Variants in ERCC6 observed in about 807,000 individuals in gnomAD.
The protein encoded by ERCC6 is DNA excision repair protein ERCC-6.
Under a neutral mutation model 158.7 loss-of-function variants are expected in ERCC6, and 116 were observed. The observed-to-expected ratio is 0.73, with a 90% CI of 0.63 to 0.85. The LOEUF is 0.85. ERCC6 is among the 40% of genes least tolerant of loss of function. The pLI is 0.00. For synonymous variants in ERCC6, 678 were observed against 659.3 expected (o/e 1.03, Z -0.43); for missense variants, 1,698 against 1,799.4 (o/e 0.94, Z 1.02).
At chr10:49,515,769 T>C (rs1223651124) in intron 5 of ERCC6, 1 of 1,614,218 alleles carries the variant, frequency 6.2e-7, no homozygotes, top group Admixed American at 1.7e-5. Flanking sequence ...CATGTTTGGC[T>C]GCTGAACTTG....
intron 4 of ERCC6, among the ~76,000 whole-genome samples, chr10:49,526,631 A>G (rs1183951025): frequency 6.6e-6 from 1 of 152,192 alleles, no homozygotes; most frequent in Admixed American, 6.5e-5. Flanking sequence ...ATTAAGCCTT[A>G]GGTCTTTACA....
chr10:49,486,853 C>T, intron 8 of ERCC6, among the ~76,000 whole-genome samples: 1 of 152,194 alleles, frequency 6.6e-6, no homozygotes, highest in Non-Finnish European at 1.5e-5. Context: ...GGATTCCAAT[C>T]ATTGTTACAA....
chr10:49,516,465 A>T (rs770443998), intron 5 of ERCC6: 3 of 1,614,226 alleles, frequency 1.9e-6, no homozygotes, highest in Non-Finnish European at 2.5e-6. Flanking sequence ...GTCACGTCTC[A>T]TGGCAGCACT....
intron 5 of ERCC6, chr10:49,515,242 G>A (rs368503359): frequency 7.5e-5 from 109 of 1,444,542 alleles, no homozygotes; most frequent in East Asian, 2.4e-4. Flanking sequence ...GTTATGTGAC[G>A]TTCCAAAATT....
chr10:49,459,087 G>C lies in ERCC6; in HGVS notation c.4210C>G (p.Arg1404Gly). 1 of 1,614,166 alleles carries C rather than the reference G, an allele frequency of 6.2e-7. No homozygotes were observed. The highest frequency in any genetic ancestry group is 1.1e-5 in the South Asian group (1 of 91,082). ...AGGTGCCCGCTTTCACTTTCTAAAC[G>C]CTCTGGCAGAATCAGGTGGTTTCTA... ...RARNHLILPE[R>G]LESESGHLQE... Residue 1404 changes from arginine (R) to glycine (G), a missense_variant, in exon 21 of 21, where the codon CGT becomes GGT. By Grantham distance (125) the Arg-to-Gly change is moderately radical. Coordinates refer to ENST00000355832, the MANE Select transcript of ERCC6 (RefSeq NM_000124.4).
intron 11 of ERCC6, among the ~76,000 whole-genome samples, chr10:49,477,155 A>G (rs1173957001): frequency 6.6e-6 from 1 of 152,096 alleles, no homozygotes; most frequent in Non-Finnish European, 1.5e-5. Context: ...CTCTGTCTCA[A>G]CTTCTACTTA....
intron 7 of ERCC6, among the ~76,000 whole-genome samples, chr10:49,497,687 ACT>A (rs1164753322): frequency 6.6e-6 from 1 of 152,022 alleles, no homozygotes; most frequent in Non-Finnish European, 1.5e-5. Context: ...CCCTTTCCTA[ACT>A]CTTAATACCA....
intron 5 of ERCC6, among the ~76,000 whole-genome samples, chr10:49,506,680 A>T (rs4253096): frequency 0.024 from 3,680 of 152,250 alleles, 158 homozygotes; most frequent in African/African-American, 0.083. Context: ...ATATTTCAGA[A>T]GGAAATATAT....
the ERCC6 span, among the ~76,000 whole-genome samples, chr10:49,437,711 G>A: frequency 1.0e-3 from 154 of 152,282 alleles, 1 homozygote; most frequent in Admixed American, 3.5e-3. Flanking sequence ...CCTGAGGTCT[G>A]TTAGAAAGTT....
intron 8 of ERCC6, among the ~76,000 whole-genome samples, chr10:49,492,714 G>C (rs560943574): frequency 6.6e-6 from 1 of 152,298 alleles, no homozygotes; most frequent in East Asian, 1.9e-4. Flanking sequence ...ACTAACAAAT[G>C]CATTTACCAA....
intron 10 of ERCC6, among the ~76,000 whole-genome samples, chr10:49,481,601 G>A (rs562144953): frequency 6.6e-6 from 1 of 152,106 alleles, no homozygotes; most frequent in Non-Finnish European, 1.5e-5. Context: ...CAGAAACCGT[G>A]CCTCCCACCC....
intron 8 of ERCC6, among the ~76,000 whole-genome samples, chr10:49,488,672 C>A (rs1237017395): frequency 6.7e-6 from 1 of 148,384 alleles, no homozygotes; most frequent in Non-Finnish European, 1.5e-5. Context: ...GTTTTTTACT[C>A]CCTTCTAGCT....
intron 5 of ERCC6, among the ~76,000 whole-genome samples, chr10:49,507,106 T>C (rs1321843006): frequency 2.6e-5 from 4 of 152,142 alleles, no homozygotes; most frequent in Non-Finnish European, 4.4e-5. Context: ...GCCAAAGGTA[T>C]GGTGTGTTGT....
chr10:49,537,342 C>CAAAAA (rs368235215), intron 1 of ERCC6, among the ~76,000 whole-genome samples: 1 of 86,664 alleles, frequency 1.2e-5, no homozygotes, highest in African/African-American at 3.8e-5. Context: ...GACTCCGTCT[C>CAAAAA]AAAAAAAAAA....
intron 7 of ERCC6, among the ~76,000 whole-genome samples, chr10:49,498,714 C>T (rs865830662): frequency 2.0e-5 from 3 of 152,184 alleles, no homozygotes; most frequent in Non-Finnish European, 2.9e-5. Context: ...GCCTTGACTT[C>T]ATTCTTAGTA....
intron 1 of ERCC6, among the ~76,000 whole-genome samples, chr10:49,538,482 G>C (rs142625145): frequency 6.6e-6 from 1 of 152,216 alleles, no homozygotes; most frequent in African/African-American, 2.4e-5. Context: ...AGGGCTGCCT[G>C]TCACAGGATG....
At chr10:49,461,972 T>C (rs1207495118) in intron 18 of ERCC6, among the ~76,000 whole-genome samples, 1 of 152,186 alleles carries the variant, frequency 6.6e-6, no homozygotes, top group African/African-American at 2.4e-5. Flanking sequence ...CAATAACCAT[T>C]TTCCCTGAGT....
chr10:49,532,816 A>G lies in ERCC6; in HGVS notation c.149T>C (p.Val50Ala), dbSNP rs1160281106. Reference protein sequence around the residue: ...EVEEYLSFRSVGDGLSTSAVG... With the variant: ...EVEEYLSFRSAGDGLSTSAVG... The stretch of plus-strand genomic sequence containing the variant: ...AGCAGAGGTGGACAGCCCGTCACCC[A>G]CAGAACGAAAGGAGAGGTACTCCTC... Residue 50 changes from valine to alanine, a missense_variant, in exon 2 of 21, where the codon GTG (valine) becomes GCG (alanine). By Grantham distance (64) the Val-to-Ala change is moderately conservative (BLOSUM62 0). Transcript: ENST00000355832. 1 of 1,614,120 alleles carries G rather than the reference A, an allele frequency of 6.2e-7. No individual in the cohort carries two copies. Among genetic ancestry groups the G allele is most frequent in the Admixed American group, 1.7e-5 (1 of 60,016 alleles).
At chr10:49,483,702 C>T (rs974594829) in intron 8 of ERCC6, among the ~76,000 whole-genome samples, 186 bp from the exon 9 acceptor site, 2 of 151,676 alleles carry the variant, frequency 1.3e-5, no homozygotes, top group South Asian at 4.2e-4. Flanking sequence ...CTAATACAGC[C>T]GTTATTAGGG....
Sources: gnomAD v4.1 joint callset for allele counts (sites outside exome capture counted in the v4.1 genomes callset) on GRCh38, gnomAD v4.1.1 for gene constraint, MANE v1.5 for transcripts, NCBI Gene and HGNC (gene_info 2026-07-23, HGNC 2026-07-21) for gene names.